SLC35F4: variants seen among roughly 807,000 people sequenced by gnomAD.
SLC35F4 encodes the protein solute carrier family 35 member F4.
SLC35F4 carries 24 observed loss-of-function variants against 44.2 expected under a neutral mutation model. That is an observed-to-expected ratio of 0.54 (90% CI 0.39 to 0.76). The LOEUF (loss-of-function observed/expected upper bound fraction) is 0.76, where lower values mean the gene tolerates loss of function less well. Ranked by LOEUF, SLC35F4 falls within the 30% of genes least tolerant of loss-of-function variation. The pLI is 0.00. For synonymous variants in SLC35F4, 238 were observed against 223.6 expected (o/e 1.06, Z -0.57); for missense variants, 562 against 586.1 (o/e 0.96, Z 0.42).
chr14:57,589,196 G>A lies in SLC35F4; in HGVS notation c.587+20C>T. 1 of 1,580,752 alleles carries A rather than the reference G, an allele frequency of 6.3e-7. No homozygotes were observed. The highest frequency in any genetic ancestry group is 8.6e-7 in the Non-Finnish European group (1 of 1,165,088). On this transcript the variant is annotated intron_variant, in intron 3 of 7. Coordinates refer to ENST00000556826, the MANE Select transcript of SLC35F4 (RefSeq NM_001306087.2). Reference sequence around the variant, plus strand: ...AAACATTTCAATGATCTCTTATTGGGCAGTTAACATGAAACCTACCTGAAT... The same window carrying A: ...AAACATTTCAATGATCTCTTATTGGACAGTTAACATGAAACCTACCTGAAT...
intron 1 of SLC35F4, among the ~76,000 whole-genome samples, chr14:57,925,591 T>G (rs563883213): frequency 7.0e-6 from 1 of 142,154 alleles, no homozygotes; most frequent in Admixed American, 7.3e-5. Flanking sequence ...CTGGAGTAAA[T>G]AGAATAGAGA....
At chr14:57,946,742 C>A (rs1890039699) in intron 1 of SLC35F4, among the ~76,000 whole-genome samples, 1 of 152,036 alleles carries the variant, frequency 6.6e-6, no homozygotes, top group Non-Finnish European at 1.5e-5. Flanking sequence ...TCTCACAGTG[C>A]TGGGATTACA....
intron 1 of SLC35F4, among the ~76,000 whole-genome samples, chr14:57,821,322 T>C (rs534083825): frequency 2.6e-5 from 4 of 152,358 alleles, no homozygotes; most frequent in African/African-American, 9.6e-5. Context: ...AGAATCCAAA[T>C]ACTAAAGGTG....
chr14:57,848,999 C>A (rs1206397876), intron 1 of SLC35F4, among the ~76,000 whole-genome samples: 3 of 152,110 alleles, frequency 2.0e-5, no homozygotes, highest in African/African-American at 7.2e-5. Context: ...ATGTCTTTTG[C>A]CAGCATCTGT....
chr14:57,607,414 G>A (rs976802721), intron 1 of SLC35F4, among the ~76,000 whole-genome samples: 1 of 152,186 alleles, frequency 6.6e-6, no homozygotes, highest in African/African-American at 2.4e-5. Context: ...TGCCTCTGGG[G>A]ACATAAGCTA....
intron 1 of SLC35F4, among the ~76,000 whole-genome samples, chr14:57,942,759 T>A (rs1010625772): frequency 6.6e-6 from 1 of 152,080 alleles, no homozygotes; most frequent in Non-Finnish European, 1.5e-5. Context: ...CATAATATGA[T>A]GTCCAGATCT....
chr14:57,655,689 G>T (rs185364054), intron 1 of SLC35F4, among the ~76,000 whole-genome samples: 1 of 152,144 alleles, frequency 6.6e-6, no homozygotes, highest in Admixed American at 6.5e-5. Context: ...TTCTGCCAAG[G>T]CTCGCACCTC....
intron 6 of SLC35F4, among the ~76,000 whole-genome samples, chr14:57,568,539 T>C (rs1488506431): frequency 6.6e-6 from 1 of 152,166 alleles, no homozygotes; most frequent in Non-Finnish European, 1.5e-5. Context: ...AACCATATAA[T>C]TTTGGCTTTG....
At position 57,594,011 on chromosome 14, in the gene SLC35F4, G is replaced by C; in HGVS notation, c.217C>G (p.Pro73Ala). The C allele has an allele frequency of 6.2e-7, 1 of 1,613,870 alleles. No homozygotes were observed. Among genetic ancestry groups the C allele is most frequent in the Non-Finnish European group, 8.5e-7 (1 of 1,179,854 alleles). ...PLSVTEDSSA[P>A]ILELQNQGSS... ...CCTTGGTTTTGAAGTTCAAGAATAG[G>C]AGCAGAGGAATCTTCGGTGACAGAC... is the stretch of plus-strand genomic sequence containing the variant. Residue 73 changes from proline (P) to alanine (A), a missense_variant, in exon 2 of 8, where the codon CCT becomes GCT. By Grantham distance (27) the Pro-to-Ala change is conservative (BLOSUM62 -1). Coordinates refer to ENST00000556826, the MANE Select transcript of SLC35F4 (RefSeq NM_001306087.2).
At chr14:57,853,356 A>C (rs1886760875) in intron 1 of SLC35F4, among the ~76,000 whole-genome samples, 1 of 152,236 alleles carries the variant, frequency 6.6e-6, no homozygotes, top group Non-Finnish European at 1.5e-5. Context: ...ATTGAAGCCT[A>C]TAATTTGATA....
Position 57,918,437 on chromosome 14 carries a change from T to A in SLC35F4, n.282+63476A>T, listed in dbSNP as rs551753622. On this transcript the variant is annotated intron_variant and non_coding_transcript_variant, in intron 1 of 1. Transcript: ENST00000556568. ...CGGTGGTTTTCCCTGTGACCTCACT[T>A]CTCTGTCAGATCTAAGACAGAGATC... is the stretch of plus-strand genomic sequence containing the variant. Among the ~76,000 whole-genome samples the A allele has an allele frequency of 4.3e-3, 655 of 152,328 alleles. 2 individuals carry two copies. Among genetic ancestry groups the A allele is most frequent in the African/African-American group, 0.015 (609 of 41,588 alleles).
At chr14:57,781,943 GA>G in intron 1 of SLC35F4, among the ~76,000 whole-genome samples, 1 of 152,046 alleles carries the variant, frequency 6.6e-6, no homozygotes, top group Non-Finnish European at 1.5e-5. Context: ...GAGAAGAGCA[GA>G]AAAAATAACT....
chr14:57,709,028 T>C (rs537182373), intron 1 of SLC35F4, among the ~76,000 whole-genome samples: 26 of 152,300 alleles, frequency 1.7e-4, no homozygotes, highest in African/African-American at 6.3e-4. Context: ...GGATGGAACA[T>C]GAAAGCGGAC....
chr14:57,947,137 G>T (rs554292724), intron 1 of SLC35F4, among the ~76,000 whole-genome samples: 1 of 151,866 alleles, frequency 6.6e-6, no homozygotes, highest in South Asian at 2.1e-4. Context: ...CCATTTGTTT[G>T]TATCATTTAT....
At chr14:57,933,651 C>T (rs1315249768) in intron 1 of SLC35F4, among the ~76,000 whole-genome samples, 1 of 152,206 alleles carries the variant, frequency 6.6e-6, no homozygotes, top group Non-Finnish European at 1.5e-5. Context: ...TGAAAGGTCG[C>T]TGGCTGTCAT....
At chr14:57,675,285 A>G (rs2074654950) in intron 1 of SLC35F4, among the ~76,000 whole-genome samples, 1 of 152,056 alleles carries the variant, frequency 6.6e-6, no homozygotes, top group Admixed American at 6.6e-5. Flanking sequence ...ACAAATATTG[A>G]ACTCCGGGAA....
chr14:57,721,895 C>T (rs753291600), intron 1 of SLC35F4, among the ~76,000 whole-genome samples: 3 of 152,116 alleles, frequency 2.0e-5, no homozygotes, highest in Admixed American at 6.6e-5. Context: ...GATGGCCCCC[C>T]CTGAGGCAGT....
intron 1 of SLC35F4, among the ~76,000 whole-genome samples, chr14:57,890,014 C>T (rs537109079): frequency 1.3e-5 from 2 of 152,196 alleles, no homozygotes. Context: ...ATATTCACTC[C>T]CTGCCTCCTC....
intron 1 of SLC35F4, among the ~76,000 whole-genome samples, chr14:57,689,786 A>G (rs1292278523): frequency 6.6e-6 from 1 of 152,030 alleles, no homozygotes; most frequent in Non-Finnish European, 1.5e-5. Context: ...TATCTAATGT[A>G]AATGACGAGT....
Sources: gnomAD v4.1 joint callset for allele counts (sites outside exome capture counted in the v4.1 genomes callset) on GRCh38, gnomAD v4.1.1 for gene constraint, MANE v1.5 for transcripts, NCBI Gene and HGNC (gene_info 2026-07-23, HGNC 2026-07-21) for gene names.